The following ZFHX3 variants were observed in gnomAD, a reference collection of about 807,000 sequenced individuals.
The protein encoded by ZFHX3 is zinc finger homeobox protein 3.
A neutral mutation model predicts 279.1 loss-of-function variants in ZFHX3; 42 were observed. The ratio of observed to expected loss-of-function variants is 0.15; its 90% CI spans 0.12 to 0.19. The LOEUF (loss-of-function observed/expected upper bound fraction) is 0.19. Among genes scored for constraint, ZFHX3 ranks in the 10% least tolerant of loss-of-function variants. The pLI is 1.00. For synonymous variants in ZFHX3, 2,293 were observed against 1,957.8 expected (o/e 1.17, Z -4.52); for missense variants, 4,981 against 4,754.0 (o/e 1.05, Z -1.40).
At chr16:72,814,063 G>C (rs537002876) in intron 5 of ZFHX3, among the ~76,000 whole-genome samples, 1 of 152,192 alleles carries the variant, frequency 6.6e-6, no homozygotes, top group Admixed American at 6.5e-5. Context: ...CTCAAGATGG[G>C]GTGGGTGAGG....
exon 1 of ZFHX3, chr16:73,059,276 T>G (rs1322806005): frequency 7.2e-6 from 1 of 139,682 alleles, no homozygotes. Flanking sequence ...GAAGAGAGGA[T>G]GGGAGAAGAG....
At chr16:73,544,704 G>A (rs1053993915) in intron 2 of ZFHX3, among the ~76,000 whole-genome samples, 3 of 152,160 alleles carry the variant, frequency 2.0e-5, no homozygotes, top group Non-Finnish European at 4.4e-5. Context: ...CGGCAATCCA[G>A]GGAGTGAGAC....
chr16:72,954,027 A>C (rs1961124326), intron 2 of ZFHX3, among the ~76,000 whole-genome samples: 1 of 152,196 alleles, frequency 6.6e-6, no homozygotes, highest in Non-Finnish European at 1.5e-5. Context: ...AGCTGCCACA[A>C]AGTGGGGGAA....
At chr16:73,684,611 G>A (rs2053059739) in intron 1 of ZFHX3, among the ~76,000 whole-genome samples, 8 of 151,908 alleles carry the variant, frequency 5.3e-5, no homozygotes, top group Admixed American at 4.6e-4. Context: ...GGTTGCAGAT[G>A]GAATTAAGAT....
chr16:73,221,520 G>T lies in ZFHX3; in HGVS notation c.-1104+35527C>A, dbSNP rs549248577. Among the ~76,000 whole-genome samples, 15 of 152,056 alleles carry T rather than the reference G, an allele frequency of 9.9e-5. No individual in the cohort carries two copies. The South Asian group carries it at 3.1e-3, about 32-fold the overall frequency. On this transcript the variant is annotated intron_variant, in intron 5 of 17. Coordinates refer to the ZFHX3 transcript ENST00000641206. ...CATTGGGTACAGTGTACACAGCTCAGGTAATGGGTGCACCAAAATCTCAGA... is the reference window on the plus strand; with the variant it reads ...CATTGGGTACAGTGTACACAGCTCATGTAATGGGTGCACCAAAATCTCAGA...
At chr16:73,263,682 G>A (rs1345265199) in intron 4 of ZFHX3, among the ~76,000 whole-genome samples, 1 of 152,198 alleles carries the variant, frequency 6.6e-6, no homozygotes, top group African/African-American at 2.4e-5. Context: ...AAGAGAGATT[G>A]GTACAGGACC....
intron 5 of ZFHX3, among the ~76,000 whole-genome samples, chr16:73,234,157 A>G (rs1214860549): frequency 6.6e-6 from 1 of 152,244 alleles, no homozygotes; most frequent in African/African-American, 2.4e-5. Flanking sequence ...AACAGGCGGA[A>G]TGTTTGGGTA....
At chr16:73,449,488 C>T (rs562267852) in intron 3 of ZFHX3, among the ~76,000 whole-genome samples, 1 of 151,636 alleles carries the variant, frequency 6.6e-6, no homozygotes, top group East Asian at 1.9e-4. Context: ...ATAGCAAGAC[C>T]CCATCTCAAA....
At chr16:73,823,556 C>G (rs1960812742) in intron 1 of ZFHX3, among the ~76,000 whole-genome samples, 1 of 152,188 alleles carries the variant, frequency 6.6e-6, no homozygotes, top group Non-Finnish European at 1.5e-5. Flanking sequence ...ACTATGGCCC[C>G]CAGGCCAAAT....
intron 5 of ZFHX3, among the ~76,000 whole-genome samples, chr16:73,243,945 G>T (rs7184606): frequency 6.6e-6 from 1 of 152,314 alleles, no homozygotes; most frequent in Middle Eastern, 3.4e-3. Context: ...AGAGAATGCC[G>T]GTAGAGAACG....
chr16:73,028,519 G>A (rs1354143555), intron 1 of ZFHX3, among the ~76,000 whole-genome samples: 1 of 152,218 alleles, frequency 6.6e-6, no homozygotes, highest in Non-Finnish European at 1.5e-5. Context: ...ACAGGCTAAG[G>A]ATGCATCAGG....
chr16:72,923,543 AG>A (rs1464622626), intron 3 of ZFHX3, among the ~76,000 whole-genome samples: 1 of 152,002 alleles, frequency 6.6e-6, no homozygotes, highest in Non-Finnish European at 1.5e-5. Flanking sequence ...TCAAAATTTC[AG>A]GTTAATGATT....
intron 3 of ZFHX3, among the ~76,000 whole-genome samples, chr16:73,409,034 A>G (rs905904656): frequency 7.2e-5 from 11 of 152,154 alleles, no homozygotes; most frequent in Admixed American, 4.6e-4. Context: ...TCTGCATTCA[A>G]TCCAGGGATT....
intron 2 of ZFHX3, among the ~76,000 whole-genome samples, chr16:73,586,204 C>T (rs1456063486): frequency 6.6e-6 from 1 of 151,858 alleles, no homozygotes; most frequent in Non-Finnish European, 1.5e-5. Context: ...GCCTGGCCAA[C>T]ATGGTGAAAC....
chr16:73,604,840 A>C (rs1470194304), intron 2 of ZFHX3, among the ~76,000 whole-genome samples: 1 of 152,036 alleles, frequency 6.6e-6, no homozygotes, highest in Non-Finnish European at 1.5e-5. Context: ...CAGGCTTCCT[A>C]TAAGATACCA....
rs142898579 is a variant in ZFHX3 at position 72,876,433 on chromosome 16, C to T, written c.3448+13298G>A. On this transcript the variant is annotated intron_variant, in intron 4 of 9. Coordinates refer to ENST00000268489, the MANE Select transcript of ZFHX3 (RefSeq NM_006885.4). The stretch of plus-strand genomic sequence containing the variant: ...GCAAGATGCTGGCTACGATTCAGCG[C>T]AGTCACCGCCTTCCCCAGTCGGCCC... Among the ~76,000 whole-genome samples, 8 of 152,252 alleles carry T rather than the reference C, an allele frequency of 5.3e-5. No homozygotes were observed. In the East Asian group the frequency reaches 1.4e-3, roughly 26 times the overall value.
rs2035414395 is a variant in ZFHX3, at chr16:72,787,049, TTTTTTTTG to T, written c.*107_*114del. The T allele has an allele frequency of 9.8e-7, 1 of 1,018,192 alleles. No homozygotes were observed. Among genetic ancestry groups the T allele is most frequent in the Non-Finnish European group, 1.2e-6 (1 of 807,160 alleles). 63.1% of individuals were successfully genotyped at this position (1,018,192 alleles called of 1,614,324 possible). ...CTTTTTCTTTTTTTTCTTTTTTTTT[TTTTTTTTG>T]TTTTTTGGTTAGAAGCTTTGGAATT... On this transcript the variant is annotated 3_prime_UTR_variant, in exon 10 of 10. Coordinates refer to ENST00000268489, the MANE Select transcript of ZFHX3 (RefSeq NM_006885.4).
chr16:73,376,155 A>G (rs1408743502), intron 3 of ZFHX3, among the ~76,000 whole-genome samples: 2 of 152,222 alleles, frequency 1.3e-5, no homozygotes, highest in East Asian at 1.9e-4. Context: ...CTTTTTAACA[A>G]TACAGACAGC....
chr16:72,830,428 A>C (rs1249489257), intron 4 of ZFHX3, among the ~76,000 whole-genome samples: 1 of 152,266 alleles, frequency 6.6e-6, no homozygotes, highest in Non-Finnish European at 1.5e-5. Flanking sequence ...CATCAGTTTG[A>C]AGAGTTCCAG....
Sources: allele counts gnomAD v4.1 joint callset (sites outside exome capture counted in the v4.1 genomes callset), GRCh38; gene constraint gnomAD v4.1.1; transcripts MANE v1.5; gene names NCBI Gene and HGNC (gene_info 2026-07-23, HGNC 2026-07-21).